Variants in PATZ1 observed in about 807,000 individuals in gnomAD.
PATZ1 encodes POZ-, AT hook-, and zinc finger-containing protein 1.
A neutral mutation model predicts 46.2 loss-of-function variants in PATZ1; 9 were observed. The ratio of observed to expected loss-of-function variants is 0.19; its 90% CI spans 0.12 to 0.34. PATZ1 has a LOEUF of 0.34. PATZ1 is among the 10% of genes least tolerant of loss of function. The pLI, the probability that PATZ1 is intolerant of heterozygous loss-of-function variation, is 1.00. For synonymous variants in PATZ1, 426 were observed against 378.6 expected (o/e 1.13, Z -1.45); for missense variants, 632 against 923.0 (o/e 0.68, Z 4.08).
Position 31,345,572 on chromosome 22 carries a change from G to A in PATZ1, c.31C>T (p.Pro11Ser), listed in dbSNP as rs1463292629. Residue 11 changes from proline to serine, a missense_variant, in exon 1 of 5, where the codon CCG becomes TCG. Physicochemically the swap from Pro to Ser is moderately conservative, Grantham distance 74 (BLOSUM62 -1). Around this residue, in one of 7 missense-constraint regions of PATZ1, gnomAD observed 30 missense variants for 27.7 expected, o/e 1.08. Coordinates refer to ENST00000266269, the MANE Select transcript of PATZ1 (RefSeq NM_014323.3). The surrounding 1 kb of genome is among the most constrained non-coding windows in gnomAD (Gnocchi z 7.4). MERVNDASCG[P>S]SGCYTYQVSR... The stretch of plus-strand genomic sequence containing the variant: ...ACCTGGTATGTGTAGCAGCCAGACG[G>A]GCCGCACGAAGCGTCGTTCACCCGC... The A allele has an allele frequency of 1.9e-6, 3 of 1,597,612 alleles. No homozygotes were observed. Among genetic ancestry groups the A allele is most frequent in the East Asian group, 2.3e-5 (1 of 44,392 alleles).
intron 2 of PATZ1, 147 bp downstream of exon 2, chr22:31,342,749 AG>A (rs2049598214): frequency 1.5e-5 from 11 of 749,576 alleles, no homozygotes. Flanking sequence ...GGAGGAGAGC[AG>A]AGGGAGGGTG....
chr22:31,341,567 G>T, intron 2 of PATZ1: 1 of 1,614,136 alleles, frequency 6.2e-7, no homozygotes, highest in Non-Finnish European at 8.5e-7. Context: ...GGGAAAAGGC[G>T]GTGTCAGGAA....
intron 3 of PATZ1, among the ~76,000 whole-genome samples, chr22:31,334,919 C>T (rs2049489170): frequency 6.6e-6 from 1 of 152,196 alleles, no homozygotes; most frequent in East Asian, 1.9e-4. Context: ...GCAGAAGCAT[C>T]CTCACGTTCA....
At position 31,345,007 on chromosome 22, in the gene PATZ1, C is replaced by T; in HGVS notation, c.596G>A (p.Ser199Asn). The change falls in exon 1 of 5, where the codon AGC (serine) becomes AAC (asparagine). Residue 199 changes from serine (S) to asparagine (N), a missense_variant. By Grantham distance (46) the Ser-to-Asn change is conservative. This residue lies in a region of PATZ1 where 279 missense variants were observed against 284.3 expected (regional missense o/e 0.98). Transcript: ENST00000266269. The surrounding 1 kb of genome is among the most constrained non-coding windows in gnomAD (Gnocchi z 7.4). ...CTGCATGCTGCCGGCGATGCCATTG[C>T]TGTTGGCTGCCAAGGCTGCCCCGTT... ...MTNGAALAAN[S>N]NGIAGSMQPE... is the part of the protein sequence containing the mutation. 3 of 1,614,066 alleles carry T rather than the reference C, an allele frequency of 1.9e-6. No individual in the cohort carries two copies. The highest frequency in any genetic ancestry group is 1.7e-6 in the Non-Finnish European group (2 of 1,180,028).
At position 31,328,823 on chromosome 22, in the gene PATZ1, C is replaced by T. The variant is rs767609443; in HGVS notation, c.1609G>A (p.Ala537Thr). ...RHQEPILNGG[A>T]AFHCARTYGN... ...TAGGTCCTGGCGCAGTGGAACGCTG[C>T]TCCCCCATTCAGGATGGGCTCCTGG... Residue 537 changes from alanine (A) to threonine (T), a missense_variant, in exon 4 of 5, where the codon GCA becomes ACA. Ala to Thr is a moderately conservative substitution (Grantham distance 58). Around this residue, in one of 7 missense-constraint regions of PATZ1, gnomAD observed 176 missense variants for 249.4 expected, o/e 0.71. Coordinates refer to ENST00000266269, the MANE Select transcript of PATZ1 (RefSeq NM_014323.3). The surrounding 1 kb of genome is among the most constrained non-coding windows in gnomAD (Gnocchi z 4.8). 5 of 1,613,536 alleles carry T rather than the reference C, an allele frequency of 3.1e-6. No individual in the cohort carries two copies. The Admixed American group carries it at 5.0e-5, about 16-fold the overall frequency.
chr22:31,343,163 G>T, intron 1 of PATZ1: 3 of 1,308,346 alleles, frequency 2.3e-6, no homozygotes, highest in Non-Finnish European at 2.0e-6. Flanking sequence ...TTTCTCTGGA[G>T]GGGGGAAGAG....
Sources: allele counts gnomAD v4.1 joint callset (sites outside exome capture counted in the v4.1 genomes callset), GRCh38; gene constraint gnomAD v4.1.1; regional missense constraint gnomAD v4.1.1; non-coding constraint Gnocchi (gnomAD v3.1); transcripts MANE v1.5; gene names NCBI Gene and HGNC (gene_info 2026-07-23, HGNC 2026-07-21).